Variants in PDE1C observed in about 807,000 individuals in gnomAD.
The protein encoded by PDE1C is phosphodiesterase 1C, also known as dual specificity calcium/calmodulin-dependent 3',5'-cyclic nucleotide phosphodiesterase 1C.
In PDE1C, 62 loss-of-function variants were observed where a neutral mutation model predicts 93.1. The observed-to-expected ratio is 0.67, with a 90% CI of 0.54 to 0.82. The LOEUF (loss-of-function observed/expected upper bound fraction) is 0.82, where lower values mean the gene tolerates loss of function less well. Ranked by LOEUF, PDE1C falls within the 40% of genes least tolerant of loss-of-function variation. PDE1C has a pLI of 0.00. For synonymous variants in PDE1C, 325 were observed against 310.1 expected (o/e 1.05, Z -0.50); for missense variants, 742 against 884.6 (o/e 0.84, Z 2.04).
At chr7:32,091,437 C>G (rs970699611) in intron 3 of PDE1C, among the ~76,000 whole-genome samples, 27 of 152,074 alleles carry the variant, frequency 1.8e-4, no homozygotes, top group Admixed American at 3.9e-4. Flanking sequence ...AGGAAGGACA[C>G]ATTGCAATAT....
At chr7:32,071,626 G>A (rs917037856), upstream of PDE1C, among the ~76,000 whole-genome samples, 11 of 152,258 alleles carry the variant, frequency 7.2e-5, no homozygotes, top group East Asian at 2.1e-3. Context: ...CTGGCTGGGC[G>A]GCTGTGGATG....
At position 31,880,424 on chromosome 7, in the gene PDE1C, T is replaced by C. The variant is rs1290864674; in HGVS notation, c.242+323A>G. Among the ~76,000 whole-genome samples the C allele has an allele frequency of 3.3e-5, 5 of 152,202 alleles. No individual in the cohort carries two copies. The East Asian group carries it at 7.7e-4, about 23-fold the overall frequency. On this transcript the variant is annotated intron_variant, in intron 3 of 17. Transcript: ENST00000396191. ...AATTTTTAGACTAACACTAAAAACA[T>C]ACAATAATTACAATGGAGCTCTATA...
chr7:32,317,620 C>G (rs534708999), intron 1 of PDE1C, among the ~76,000 whole-genome samples: 2 of 151,632 alleles, frequency 1.3e-5, no homozygotes, highest in African/African-American at 4.8e-5. Flanking sequence ...TCATTTTCAT[C>G]ATAACCATAC....
At chr7:32,255,360 C>A (rs545336806) in intron 1 of PDE1C, among the ~76,000 whole-genome samples, 2 of 152,160 alleles carry the variant, frequency 1.3e-5, no homozygotes, top group Non-Finnish European at 2.9e-5. Context: ...TTTGCATAGA[C>A]CTCAGTTTGC....
In PDE1C at chr7:32,009,792, G is replaced by A. The variant is rs73686892; in HGVS notation, c.128+41762C>T. The stretch of plus-strand genomic sequence containing the variant: ...GACATTTTATGTAGAAAACCTCATG[G>A]AATCTGCCAAAAAGCTATTAGAACT... On this transcript the variant is annotated intron_variant, in intron 2 of 17. Coordinates refer to ENST00000396191, the MANE Select transcript of PDE1C (RefSeq NM_001191057.4). Among the ~76,000 whole-genome samples the A allele has an allele frequency of 7.7e-3, 1,176 of 152,222 alleles. 14 individuals are homozygous for A. The highest frequency in any genetic ancestry group is 0.027 in the African/African-American group (1,130 of 41,538).
intron 2 of PDE1C, among the ~76,000 whole-genome samples, chr7:32,185,598 T>G (rs1233080181): frequency 6.6e-6 from 1 of 152,224 alleles, no homozygotes; most frequent in African/African-American, 2.4e-5. Flanking sequence ...ATTGCCATTT[T>G]GCAGAGATAT....
At chr7:31,825,037 T>C (rs1362202034) in intron 12 of PDE1C, 50 bp from the exon 13 acceptor site, 3 of 1,603,826 alleles carry the variant, frequency 1.9e-6, no homozygotes, top group South Asian at 2.2e-5. Flanking sequence ...ACCTTGGGCC[T>C]TTCCATACTT....
the PDE1C span, chr7:31,643,285 T>C: frequency 6.2e-7 from 1 of 1,613,712 alleles, no homozygotes; most frequent in South Asian, 1.1e-5. Context: ...ACCAGAAAGC[T>C]CATCACAGTG....
intron 2 of PDE1C, among the ~76,000 whole-genome samples, chr7:31,923,395 G>A (rs1190642705): frequency 2.0e-5 from 3 of 152,064 alleles, no homozygotes; most frequent in Non-Finnish European, 4.4e-5. Flanking sequence ...AGGACAAGTG[G>A]CCCCAAGACA....
chr7:31,702,673 T>G, the PDE1C span, among the ~76,000 whole-genome samples: 1 of 152,242 alleles, frequency 6.6e-6, no homozygotes, highest in African/African-American at 2.4e-5. Context: ...CTGCTTAAAT[T>G]GACTTACATC....
At chr7:32,305,301 T>C (rs1195205571) in intron 1 of PDE1C, among the ~76,000 whole-genome samples, 1 of 152,192 alleles carries the variant, frequency 6.6e-6, no homozygotes, top group Non-Finnish European at 1.5e-5. Flanking sequence ...TCCCTGGGCA[T>C]CCAGGGCACA....
the PDE1C span, among the ~76,000 whole-genome samples, chr7:31,622,648 G>A: frequency 6.6e-6 from 1 of 152,058 alleles, no homozygotes; most frequent in East Asian, 1.9e-4. Flanking sequence ...GCCCACAAGA[G>A]AAAGCAGGAA....
intron 2 of PDE1C, among the ~76,000 whole-genome samples, chr7:31,889,388 C>T (rs1054333054): frequency 2.6e-5 from 4 of 152,046 alleles, no homozygotes; most frequent in Non-Finnish European, 4.4e-5. Flanking sequence ...AAACATGCTA[C>T]AAGAAAAAAG....
At chr7:31,669,334 C>T in the PDE1C span, among the ~76,000 whole-genome samples, 19 of 151,948 alleles carry the variant, frequency 1.3e-4, no homozygotes, top group African/African-American at 3.4e-4. Context: ...AAGACACTAG[C>T]CAAAATATTT....
chr7:32,281,841 C>T (rs1250793742), intron 1 of PDE1C, among the ~76,000 whole-genome samples: 1 of 152,062 alleles, frequency 6.6e-6, no homozygotes, highest in East Asian at 1.9e-4. Context: ...TACTATGCAG[C>T]CATAAAAAGG....
chr7:31,994,816 G>T (rs558397472), intron 2 of PDE1C, among the ~76,000 whole-genome samples: 2 of 152,262 alleles, frequency 1.3e-5, no homozygotes, highest in South Asian at 4.2e-4. Context: ...AAGAGTAACT[G>T]CATAGAATAT....
At chr7:31,978,259 G>A (rs1811922947) in intron 2 of PDE1C, among the ~76,000 whole-genome samples, 1 of 152,018 alleles carries the variant, frequency 6.6e-6, no homozygotes, top group Non-Finnish European at 1.5e-5. Flanking sequence ...CTTGGCAAAG[G>A]GGTACTCAAT....
At position 32,372,612 on chromosome 7, in the gene PDE1C, G is replaced by GA. The variant is rs538146493; in HGVS notation, c.310+55209dup. 5.4e-3 allele frequency among the ~76,000 whole-genome samples: 822 copies of GA among 151,980 alleles called. 12 individuals carry two copies. The highest frequency in any genetic ancestry group is 0.019 in the African/African-American group (780 of 41,468). On this transcript the variant is annotated intron_variant, in intron 1 of 1. Coordinates refer to the PDE1C transcript ENST00000672256. The stretch of plus-strand genomic sequence containing the variant: ...TATGACACCAAACAACCCACAAAAG[G>GA]AAAAAAATAGATAAATTGGACTTCA...
the PDE1C span, among the ~76,000 whole-genome samples, chr7:31,702,502 G>C: frequency 6.6e-6 from 1 of 152,168 alleles, no homozygotes; most frequent in African/African-American, 2.4e-5. Flanking sequence ...CCTTTCAGTA[G>C]TCAGCCAGCT....
Sources: allele counts gnomAD v4.1 joint callset (sites outside exome capture counted in the v4.1 genomes callset), GRCh38; gene constraint gnomAD v4.1.1; transcripts MANE v1.5; gene names NCBI Gene and HGNC (gene_info 2026-07-23, HGNC 2026-07-21).